The following SLC4A5 variants were observed in gnomAD, a reference collection of about 807,000 sequenced individuals.
SLC4A5 encodes electrogenic sodium bicarbonate cotransporter 4.
SLC4A5 carries 96 observed loss-of-function variants against 120.4 expected under a neutral mutation model. The ratio of observed to expected loss-of-function variants is 0.80; its 90% CI spans 0.68 to 0.94. The LOEUF is 0.94. Ranked by LOEUF, SLC4A5 falls within the 40% of genes least tolerant of loss-of-function variation. SLC4A5 has a pLI of 0.00. For missense variants in SLC4A5, 1,259 were observed against 1,459.5 expected, an observed-to-expected ratio of 0.86 and a Z score of 2.24; for synonymous variants, 550 against 571.1, an observed-to-expected ratio of 0.96 and a Z score of 0.53.
At chr2:74,220,886 G>A (rs1694619434) in intron 30 of SLC4A5, among the ~76,000 whole-genome samples, 1 of 144,828 alleles carries the variant, frequency 6.9e-6, no homozygotes, top group Admixed American at 7.0e-5. Context: ...TGTTGCCCAG[G>A]CTGGAGTGCA....
intron 7 of SLC4A5, among the ~76,000 whole-genome samples, chr2:74,291,451 C>T (rs544736320): frequency 3.3e-5 from 5 of 152,110 alleles, no homozygotes; most frequent in Non-Finnish European, 7.3e-5. Context: ...AAGTCCAAAC[C>T]CTTCATTTCA....
intron 7 of SLC4A5, among the ~76,000 whole-genome samples, chr2:74,289,468 C>T (rs1195898379): frequency 2.0e-5 from 3 of 152,140 alleles, no homozygotes; most frequent in Non-Finnish European, 2.9e-5. Context: ...TAGCTCATGT[C>T]ACCATGCCTG....
rs139134001 is a variant in SLC4A5 at position 74,294,417 on chromosome 2, T to G, written c.272-8515A>C. Among the ~76,000 whole-genome samples, 258 of 152,342 alleles carry G rather than the reference T, an allele frequency of 1.7e-3. 1 individual carries two copies. Among genetic ancestry groups the G allele is most frequent in the Admixed American group, 4.5e-3 (69 of 15,304 alleles). ...GCAATTATTACTCATGATTTAAGAT[T>G]TAAAAATGTCACCAAGAGTCTTCAA... On this transcript the variant is annotated intron_variant, in intron 7 of 30. Transcript: ENST00000394019.
At chr2:74,247,112 C>A in exon 19 of SLC4A5, 2 of 1,614,168 alleles carry the variant, frequency 1.2e-6, no homozygotes, top group Non-Finnish European at 1.7e-6. Context: ...TAGGGTAGTA[C>A]TTGAAGGCAC....
intron 4 of SLC4A5, among the ~76,000 whole-genome samples, chr2:74,328,975 T>A (rs1204664460): frequency 6.6e-6 from 1 of 152,142 alleles, no homozygotes; most frequent in Non-Finnish European, 1.5e-5. Context: ...TAGAGACATT[T>A]TTTTTTTAAC....
intron 5 of SLC4A5, chr2:74,319,275 G>A (rs1673038402): frequency 6.6e-6 from 1 of 152,072 alleles, no homozygotes; most frequent in African/African-American, 2.4e-5. Context: ...TTCACTATTC[G>A]GGTGATGAGT....
At chr2:74,246,704 G>A (rs1670622922) in intron 19 of SLC4A5, among the ~76,000 whole-genome samples, 1 of 152,184 alleles carries the variant, frequency 6.6e-6, no homozygotes, top group African/African-American at 2.4e-5. Flanking sequence ...GGCACCATCA[G>A]TTCTATCTCT....
chr2:74,343,361 T>C (rs1404922097), exon 1 of SLC4A5: 3 of 152,216 alleles, frequency 2.0e-5, no homozygotes, highest in Non-Finnish European at 4.4e-5. Flanking sequence ...CTTACCCCAG[T>C]GCAGTGGCCT....
At chr2:74,233,327 T>C (rs1670157277) in intron 23 of SLC4A5, 75 bp downstream of exon 23, 1 of 1,536,802 alleles carries the variant, frequency 6.5e-7, no homozygotes, top group African/African-American at 1.4e-5. Flanking sequence ...GAAAGAAGCA[T>C]CATGTCCTTC....
At position 74,282,329 on chromosome 2, in the gene SLC4A5, C is replaced by T. The variant is rs1377308346; in HGVS notation, c.401+3444G>A. 2.6e-5 allele frequency among the ~76,000 whole-genome samples: 4 copies of T among 152,244 alleles called. No individual in the cohort carries two copies. The South Asian group carries it at 8.3e-4, about 32-fold the overall frequency. On this transcript the variant is annotated intron_variant, in intron 8 of 30. Coordinates refer to ENST00000394019, the Ensembl canonical transcript of SLC4A5. Reference sequence around the variant, plus strand: ...AAAGCTACTCTCTTCCCACATTTTCCTGTCCGCAAGCTGGCCTTCAAGCTA... The same window carrying T: ...AAAGCTACTCTCTTCCCACATTTTCTTGTCCGCAAGCTGGCCTTCAAGCTA...
At chr2:74,315,134 A>G (rs1672926299) in intron 5 of SLC4A5, 109 bp from the exon 6 acceptor site, 1 of 943,728 alleles carries the variant, frequency 1.1e-6, no homozygotes, top group South Asian at 1.3e-5. Flanking sequence ...AATACAGATA[A>G]AAAACTAAGA....
At chr2:74,235,011 G>A in intron 22 of SLC4A5, 90 bp downstream of exon 22, 1 of 1,026,044 alleles carries the variant, frequency 9.7e-7, no homozygotes, top group Non-Finnish European at 1.5e-6. Flanking sequence ...TGGCCAAGAG[G>A]AGAAGAGAGT....
intron 19 of SLC4A5, 48 bp from the exon 20 acceptor site, chr2:74,242,100 G>A (rs1159450603): frequency 2.4e-5 from 38 of 1,560,960 alleles, no homozygotes; most frequent in Non-Finnish European, 3.2e-5. Flanking sequence ...CTGTGGGGCT[G>A]GGAGCTGCAT....
chr2:74,336,265 C>T (rs958600237), intron 3 of SLC4A5, among the ~76,000 whole-genome samples: 1 of 152,032 alleles, frequency 6.6e-6, no homozygotes, highest in Admixed American at 6.6e-5. Flanking sequence ...GATGAGGTCT[C>T]AATATGTTGC....
intron 6 of SLC4A5, among the ~76,000 whole-genome samples, chr2:74,312,779 A>G (rs1672847066): frequency 6.6e-6 from 1 of 152,078 alleles, no homozygotes; most frequent in African/African-American, 2.4e-5. Context: ...CTAAAAATAT[A>G]AAAAATAAAC....
intron 5 of SLC4A5, among the ~76,000 whole-genome samples, chr2:74,315,787 ACT>A (rs1447841508): frequency 6.6e-6 from 1 of 151,656 alleles, no homozygotes; most frequent in Non-Finnish European, 1.5e-5. Flanking sequence ...ACAGAGTGAG[ACT>A]CTATCTCTAC....
intron 5 of SLC4A5, among the ~76,000 whole-genome samples, chr2:74,321,206 C>CATT (rs1045476034): frequency 7.9e-5 from 12 of 152,250 alleles, no homozygotes; most frequent in African/African-American, 2.9e-4. Context: ...CCCTGATGCC[C>CATT]ATTCCCCTTT....
At position 74,255,876 on chromosome 2, in the gene SLC4A5, G is replaced by C; in HGVS notation, c.924C>G (p.Leu308=). 1 of 1,614,150 alleles carries C rather than the reference G, an allele frequency of 6.2e-7. No individual in the cohort carries two copies. The highest frequency in any genetic ancestry group is 8.5e-7 in the Non-Finnish European group (1 of 1,180,028). The change falls in exon 13 of 31, where the codon CTC becomes CTG. Residue 308 remains leucine (L), a synonymous_variant. Transcript: ENST00000394019. The surrounding 1 kb of genome is among the most constrained non-coding windows in gnomAD (Gnocchi z 4.0). ...GGTCTAGGAAGTCCACCTCGCCCACGAGCACGTTGGACGCTTCTGAGTCCT... is the reference window on the plus strand; with the variant it reads ...GGTCTAGGAAGTCCACCTCGCCCACCAGCACGTTGGACGCTTCTGAGTCCT...
chr2:74,314,560 A>C (rs1258210143), intron 6 of SLC4A5, among the ~76,000 whole-genome samples: 1 of 152,216 alleles, frequency 6.6e-6, no homozygotes, highest in Non-Finnish European at 1.5e-5. Flanking sequence ...ATTCTGGAGC[A>C]ACAGAAATAC....
Sources: allele counts gnomAD v4.1 joint callset (sites outside exome capture counted in the v4.1 genomes callset), GRCh38; gene constraint gnomAD v4.1.1; non-coding constraint Gnocchi (gnomAD v3.1); transcripts MANE v1.5; gene names NCBI Gene and HGNC (gene_info 2026-07-23, HGNC 2026-07-21).